Variants in SHANK1 observed in about 807,000 individuals in gnomAD.
The protein encoded by SHANK1 is SH3 and multiple ankyrin repeat domains 1.
In SHANK1, 35 loss-of-function variants were observed where a neutral mutation model predicts 165.6. The ratio of observed to expected loss-of-function variants is 0.21; its 90% CI spans 0.16 to 0.28. The LOEUF (loss-of-function observed/expected upper bound fraction) is 0.28. Ranked by LOEUF, SHANK1 falls within the 10% of genes least tolerant of loss-of-function variation. The probability of loss-of-function intolerance (pLI) is 1.00; values close to 1 mark genes in which losing one functional copy is unlikely to be tolerated. For missense variants in SHANK1, 2,681 were observed against 3,036.4 expected (o/e 0.88, Z 2.75); for synonymous variants, 1,428 against 1,384.8 (o/e 1.03, Z -0.69).
chr19:50,664,757 A>G (rs1276201190), intron 23 of SHANK1, among the ~76,000 whole-genome samples: 2 of 152,130 alleles, frequency 1.3e-5, no homozygotes, highest in Non-Finnish European at 2.9e-5. Context: ...TCCTTTGTTA[A>G]TAACTTTTTT....
chr19:50,691,411 C>T (rs1298986165), intron 15 of SHANK1, among the ~76,000 whole-genome samples: 1 of 152,110 alleles, frequency 6.6e-6, no homozygotes, highest in Non-Finnish European at 1.5e-5. Flanking sequence ...CTTTCTTTCA[C>T]TCATGCCACA....
chr19:50,719,228 C>T (rs952505088), intron 1 of SHANK1, among the ~76,000 whole-genome samples, 178 bp downstream of exon 1: 5 of 151,746 alleles, frequency 3.3e-5, no homozygotes, highest in Admixed American at 6.5e-5. Flanking sequence ...ACCGGGGACC[C>T]GGGCGTAACC....
chr19:50,663,744 A>G (rs78478355), intron 23 of SHANK1, among the ~76,000 whole-genome samples: 7 of 114,642 alleles, frequency 6.1e-5, no homozygotes, highest in Non-Finnish European at 9.2e-5. Flanking sequence ...CAAGCAGTGG[A>G]AAAAAAAAAA....
rs1002945528 is a variant in SHANK1 at position 50,665,906 on chromosome 19, G to A, written c.5768+286C>T. Among the ~76,000 whole-genome samples the A allele has an allele frequency of 2.7e-4, 39 of 145,914 alleles. 1 individual carries two copies. Among genetic ancestry groups the A allele is most frequent in the Middle Eastern group, 3.6e-3 (1 of 278 alleles). ...AAATTAGCTGGGTGTGGTGGCATGG[G>A]AGGCTGAGGCAGGAGAATCGCTTGA... On this transcript the variant is annotated intron_variant, in intron 23 of 23. Transcript: ENST00000293441.
intron 21 of SHANK1, among the ~76,000 whole-genome samples, chr19:50,676,595 T>C (rs1017152841): frequency 6.6e-6 from 1 of 152,064 alleles, no homozygotes; most frequent in Non-Finnish European, 1.5e-5. Flanking sequence ...GGCTCCAAGG[T>C]CTCCTCTCTG....
In SHANK1 at chr19:50,661,821, A is replaced by AC; in HGVS notation, c.*143dup. 2.3e-6 allele frequency: 2 copies of AC among 853,346 alleles called. No individual in the cohort carries two copies. Among genetic ancestry groups the AC allele is most frequent in the Non-Finnish European group, 3.7e-6 (2 of 546,276 alleles). The allele number at this position is 853,346 out of a possible 1,614,324, so 52.9% of individuals were successfully genotyped here. ...CCGGCCTGGATTGGGCCACCTGGTGACCTCTGGCCTTGGGAGATGAGGGCA... is the reference window on the plus strand; with the variant it reads ...CCGGCCTGGATTGGGCCACCTGGTGACCCTCTGGCCTTGGGAGATGAGGGCA... On this transcript the variant is annotated 3_prime_UTR_variant, in exon 24 of 24. Transcript: ENST00000293441.
At chr19:50,684,964 T>C (rs958572276) in intron 21 of SHANK1, among the ~76,000 whole-genome samples, 3 of 152,246 alleles carry the variant, frequency 2.0e-5, no homozygotes. Context: ...TATGCATTTA[T>C]AAGCATTATT....
In SHANK1 at chr19:50,668,080, A is replaced by T; in HGVS notation, c.3880T>A (p.Ser1294Thr). 6.8e-7 allele frequency: 1 copy of T among 1,480,632 alleles called. No individual in the cohort carries two copies. Among genetic ancestry groups the T allele is most frequent in the Middle Eastern group, 1.8e-4 (1 of 5,534 alleles). 91.7% of individuals were successfully genotyped at this position (1,480,632 alleles called of 1,614,324 possible). The change falls in exon 23 of 24, where the codon TCC becomes ACC. Residue 1294 changes from serine to threonine, a missense_variant. Physicochemically the swap from Ser to Thr is moderately conservative, Grantham distance 58. Coordinates refer to ENST00000293441, the MANE Select transcript of SHANK1 (RefSeq NM_016148.5). ...HSKSIDEGMF[S>T]AEPYLRLESA... The stretch of plus-strand genomic sequence containing the variant: ...TCCAGTCGGAGGTAGGGCTCGGCGG[A>T]GAACATGCCCTCGTCGATGGATTTG...
Position 50,716,251 on chromosome 19 carries a change from G to C in SHANK1, c.459+24C>G. The stretch of plus-strand genomic sequence containing the variant: ...TTTTAGGGCATGCCTTCTCTTATCA[G>C]TGAAGGAGTTGGGGAAGCTTCACCT... On this transcript the variant is annotated intron_variant, in intron 3 of 23. Coordinates refer to ENST00000293441, the MANE Select transcript of SHANK1 (RefSeq NM_016148.5). This position sits in a 1 kb window ranked among gnomAD's most constrained non-coding sequence, Gnocchi z 8.4. 1.9e-6 allele frequency: 3 copies of C among 1,607,926 alleles called. No homozygotes were observed. Among genetic ancestry groups the C allele is most frequent in the Non-Finnish European group, 2.6e-6 (3 of 1,174,684 alleles).
At position 50,697,869 on chromosome 19, in the gene SHANK1, G is replaced by A. The variant is rs780734174; in HGVS notation, c.1835C>T (p.Ala612Val). The A allele has an allele frequency of 1.4e-5, 23 of 1,613,658 alleles. No individual in the cohort carries two copies. In the East Asian group the frequency reaches 2.2e-4, roughly 16 times the overall value. ...TTGCTTGCTCTCCTGAGAGCGATTC[G>A]CCACTTCTTCCAGGCAGTCAGAGGG... The part of the protein sequence containing the change: ...WFPSDCLEEV[A>V]NRSQESKQES... Residue 612 changes from alanine (A) to valine (V), a missense_variant, in exon 13 of 24, where the codon GCG (alanine) becomes GTG (valine). Physicochemically the swap from Ala to Val is moderately conservative, Grantham distance 64. Transcript: ENST00000293441. This position sits in a 1 kb window ranked among gnomAD's most constrained non-coding sequence, Gnocchi z 4.7.
chr19:50,715,796 C>A, intron 3 of SHANK1, 66 bp from the exon 4 acceptor site: 2 of 1,476,096 alleles, frequency 1.4e-6, no homozygotes, highest in Non-Finnish European at 1.9e-6. Flanking sequence ...GGGGAGAAGG[C>A]TTGGGGTAGG....
chr19:50,661,849 G>A lies in SHANK1; in HGVS notation c.*116C>T, dbSNP rs1985238726. On this transcript the variant is annotated 3_prime_UTR_variant, in exon 24 of 24. Transcript: ENST00000293441. ...TCTGGCCTTGGGAGATGAGGGCAGG[G>A]CGCAGTTTGAACAGAGTCCCTGGCC... 4 of 1,193,704 alleles carry A rather than the reference G, an allele frequency of 3.4e-6. No individual in the cohort carries two copies. Among genetic ancestry groups the A allele is most frequent in the Admixed American group, 1.8e-5 (1 of 54,474 alleles). The allele number at this position is 1,193,704 out of a possible 1,614,324, so 73.9% of individuals were successfully genotyped here. A position where few individuals can be genotyped will look rare whatever the true frequency, so the allele number is the denominator to read the frequency against.
Position 50,686,956 on chromosome 19 carries a change from G to A in SHANK1, c.2390-144C>T. 2.2e-6 allele frequency: 3 copies of A among 1,355,514 alleles called. No individual in the cohort carries two copies. Among genetic ancestry groups the A allele is most frequent in the South Asian group, 1.6e-5 (1 of 62,880 alleles). 84.0% of individuals were successfully genotyped at this position (1,355,514 alleles called of 1,614,324 possible). On this transcript the variant is annotated intron_variant, in intron 19 of 23. Coordinates refer to ENST00000293441, the MANE Select transcript of SHANK1 (RefSeq NM_016148.5). The surrounding 1 kb of genome is among the most constrained non-coding windows in gnomAD (Gnocchi z 5.7). ...CAGTGAGGGGCCGGGGTCAGGGAGG[G>A]GCGAGTCCGCCGGCGGGGTCGGGAG...
rs3987747 is a variant in SHANK1, at chr19:50,672,555, C to CAAAAAAAAA, written c.2578-450_2578-442dup. On this transcript the variant is annotated intron_variant, in intron 21 of 23. Coordinates refer to ENST00000293441, the MANE Select transcript of SHANK1 (RefSeq NM_016148.5). ...TGGGCGACAGAGCCAGACTCTGTCT[C>CAAAAAAAAA]AAAAAAAAAAAAAAAAAAAAAAAAA... Among the ~76,000 whole-genome samples, 244 of 35,008 alleles carry CAAAAAAAAA rather than the reference C, an allele frequency of 7.0e-3. 2 individuals carry two copies. Among genetic ancestry groups the CAAAAAAAAA allele is most frequent in the Middle Eastern group, 0.019 (1 of 54 alleles). 23.0% of individuals were successfully genotyped at this position (35,008 alleles called of 152,430 possible). A position where few individuals can be genotyped will look rare whatever the true frequency, so the allele number is the denominator to read the frequency against.
At chr19:50,698,240 C>A (rs1170911088) in intron 12 of SHANK1, among the ~76,000 whole-genome samples, 2 of 152,164 alleles carry the variant, frequency 1.3e-5, no homozygotes, top group African/African-American at 4.8e-5. Flanking sequence ...GTCCTTGTCT[C>A]CCCTGGTAAC....
rs1182704091 is a variant in SHANK1, at chr19:50,662,719, G to A, written c.5769-37C>T. 1 of 1,497,858 alleles carries A rather than the reference G, an allele frequency of 6.7e-7. No homozygotes were observed. The highest frequency in any genetic ancestry group is 2.6e-5 in the East Asian group (1 of 38,298). 92.8% of individuals were successfully genotyped at this position (1,497,858 alleles called of 1,614,324 possible). A position where few individuals can be genotyped will look rare whatever the true frequency, so the allele number is the denominator to read the frequency against. On this transcript the variant is annotated intron_variant, in intron 23 of 23. Transcript: ENST00000293441. The surrounding 1 kb of genome is among the most constrained non-coding windows in gnomAD (Gnocchi z 7.7). ...CAAGGGGGCAGTGGGGGAGGACAGGGATTTAGGGGGCAAGGGCAGGGGTGA... is the reference window on the plus strand; with the variant it reads ...CAAGGGGGCAGTGGGGGAGGACAGGAATTTAGGGGGCAAGGGCAGGGGTGA...
chr19:50,690,636 C>G lies in SHANK1; in HGVS notation c.1965-1357G>C, dbSNP rs1207870664. 6.6e-6 allele frequency among the ~76,000 whole-genome samples: 1 copy of G among 152,110 alleles called. No homozygotes were observed. Among genetic ancestry groups the G allele is most frequent in the African/African-American group, 2.4e-5 (1 of 41,396 alleles). ...AACATCCATGTGGCCCTAATACACT[C>G]CAATCATAGCCAAGCATGCTCCCCA... On this transcript the variant is annotated intron_variant, in intron 15 of 23. Transcript: ENST00000293441. The surrounding 1 kb of genome is among the most constrained non-coding windows in gnomAD (Gnocchi z 4.9).
intron 23 of SHANK1, among the ~76,000 whole-genome samples, chr19:50,664,185 A>G (rs1202254423): frequency 6.6e-6 from 1 of 151,048 alleles, no homozygotes; most frequent in Non-Finnish European, 1.5e-5. Flanking sequence ...CACTCCCTGA[A>G]CCCACATTTG....
Position 50,660,188 on chromosome 19 carries a change from G to T in SHANK1, c.*1777C>A, listed in dbSNP as rs1277176682. Among the ~76,000 whole-genome samples, 7 of 136,120 alleles carry T rather than the reference G, an allele frequency of 5.1e-5. No individual in the cohort carries two copies. The highest frequency in any genetic ancestry group is 1.8e-4 in the African/African-American group (7 of 39,798). The allele number at this position is 136,120 out of a possible 152,430, so 89.3% of individuals were successfully genotyped here. A position where few individuals can be genotyped will look rare whatever the true frequency, so the allele number is the denominator to read the frequency against. ...CAGGGGAGGGGGCTTTTCAGGGGGA[G>T]GGGTGGCTTAACATTCCCAAGCCCC... On this transcript the variant is annotated 3_prime_UTR_variant, in exon 24 of 24. Coordinates refer to ENST00000293441, the MANE Select transcript of SHANK1 (RefSeq NM_016148.5).
Sources: allele counts gnomAD v4.1 joint callset (sites outside exome capture counted in the v4.1 genomes callset), GRCh38; gene constraint gnomAD v4.1.1; non-coding constraint Gnocchi (gnomAD v3.1); transcripts MANE v1.5; gene names NCBI Gene and HGNC (gene_info 2026-07-23, HGNC 2026-07-21).